The following CAPN13 variants were observed in gnomAD, a reference collection of about 807,000 sequenced individuals.
CAPN13 encodes the protein calpain 13, also known as calpain-13.
CAPN13 carries 90 observed loss-of-function variants against 98.4 expected under a neutral mutation model. That is an observed-to-expected ratio of 0.92 (90% CI 0.77 to 1.09). The LOEUF (loss-of-function observed/expected upper bound fraction) is 1.09, where lower values mean the gene tolerates loss of function less well. Among genes scored for constraint, CAPN13 ranks in the 50% least tolerant of loss-of-function variants. CAPN13 has a pLI of 0.00. For missense variants in CAPN13, 887 were observed against 841.3 expected (o/e 1.05, Z -0.67); for synonymous variants, 330 against 305.5 (o/e 1.08, Z -0.84).
intron 2 of CAPN13, among the ~76,000 whole-genome samples, chr2:30,786,463 T>C (rs1386134681): frequency 2.0e-5 from 3 of 152,114 alleles, no homozygotes; most frequent in East Asian, 1.9e-4. Flanking sequence ...AAAATTAAGA[T>C]AGTTCTAGAA....
intron 7 of CAPN13, among the ~76,000 whole-genome samples, chr2:30,759,048 TTCCTTC>T (rs1672660265): frequency 5.3e-5 from 1 of 18,998 alleles, no homozygotes; most frequent in Non-Finnish European, 9.4e-5. Flanking sequence ...CCCTCCTTCC[TTCCTTC>T]CCTCCCTCCC....
intron 8 of CAPN13, among the ~76,000 whole-genome samples, chr2:30,756,500 T>C (rs565492768): frequency 6.6e-5 from 10 of 152,306 alleles, no homozygotes; most frequent in East Asian, 1.9e-4. Context: ...ATATTTAGCA[T>C]GGGAAACACG....
Position 30,736,555 on chromosome 2 carries a change from C to A in CAPN13, c.1670G>T (p.Arg557Leu), listed in dbSNP as rs564349108. 1 of 1,613,976 alleles carries A rather than the reference C, an allele frequency of 6.2e-7. No individual in the cohort carries two copies. The stretch of plus-strand genomic sequence containing the variant: ...TCGCGCAAACTCCTCTTGGTCTAGC[C>A]GCCCATTCACTTTCAGCTGGGTAAG... ...VALMELKVNG[R>L]LDQEEFARLW... The change falls in exon 18 of 23, where the codon CGG (arginine) becomes CTG (leucine). Residue 557 changes from arginine to leucine, a missense_variant. Physicochemically the swap from Arg to Leu is moderately radical, Grantham distance 102. Transcript: ENST00000295055.
chr2:30,770,269 C>A, intron 5 of CAPN13, 44 bp downstream of exon 5: 1 of 1,603,140 alleles, frequency 6.2e-7, no homozygotes, highest in Non-Finnish European at 8.5e-7. Flanking sequence ...TAGGCAGGAC[C>A]AGCACTGAAA....
Position 30,787,289 on chromosome 2 carries a change from T to C in CAPN13, c.37A>G (p.Ile13Val), listed in dbSNP as rs369605199. The change falls in exon 2 of 23, where the codon ATC becomes GTC. Residue 13 changes from isoleucine (I) to valine (V), a missense_variant. Ile to Val is a conservative substitution (Grantham distance 29, BLOSUM62 3). Coordinates refer to ENST00000295055, the MANE Select transcript of CAPN13 (RefSeq NM_144575.3). ...AAGTCCTGGTCTTTGAACTTGATGATGGAGGTCTCCACTGAAGGCTCCTGG... is the reference window on the plus strand; with the variant it reads ...AAGTCCTGGTCTTTGAACTTGATGACGGAGGTCTCCACTGAAGGCTCCTGG... Reference protein sequence around the residue: ...YYQEPSVETSIIKFKDQDFTT... With the variant: ...YYQEPSVETSVIKFKDQDFTT... The C allele has an allele frequency of 3.1e-6, 5 of 1,613,472 alleles. No individual in the cohort carries two copies. The highest frequency in any genetic ancestry group is 1.1e-5 in the South Asian group (1 of 90,768).
At chr2:30,735,461 A>G (rs1335768664) in intron 18 of CAPN13, among the ~76,000 whole-genome samples, 1 of 152,224 alleles carries the variant, frequency 6.6e-6, no homozygotes, top group African/African-American at 2.4e-5. Context: ...TGGTGAGTGC[A>G]AGGACAGACC....
chr2:30,774,352 A>C (rs988342391), intron 4 of CAPN13, among the ~76,000 whole-genome samples: 1 of 152,134 alleles, frequency 6.6e-6, no homozygotes, highest in African/African-American at 2.4e-5. Flanking sequence ...AAGACTCATG[A>C]AAATCAAAAG....
intron 4 of CAPN13, among the ~76,000 whole-genome samples, chr2:30,770,703 TCA>T (rs1673360119): frequency 6.6e-6 from 1 of 152,202 alleles, no homozygotes; most frequent in Non-Finnish European, 1.5e-5. Context: ...GGTTCTAGCT[TCA>T]CTTTGCTCCT....
At position 30,731,358 on chromosome 2, in the gene CAPN13, G is replaced by C. The variant is rs1166622015; in HGVS notation, c.1969C>G (p.Leu657Val). The change falls in exon 21 of 23, where the codon CTG (leucine) becomes GTG (valine). Residue 657 changes from leucine to valine, a missense_variant. By Grantham distance (32) the Leu-to-Val change is conservative. Coordinates refer to ENST00000295055, the MANE Select transcript of CAPN13 (RefSeq NM_144575.3). Reference protein sequence around the residue: ...NLSKDGKGLYLTEMEWMSLVM... With the variant: ...NLSKDGKGLYVTEMEWMSLVM... ...AGGTACCTCACCTCCATTTCTGTCA[G>C]GTAGAGTCCTTTTCCATCCTTAGAG... is the stretch of plus-strand genomic sequence containing the variant. 2.5e-6 allele frequency: 4 copies of C among 1,610,760 alleles called. No homozygotes were observed. Among genetic ancestry groups the C allele is most frequent in the Non-Finnish European group, 3.4e-6 (4 of 1,178,470 alleles).
intron 7 of CAPN13, among the ~76,000 whole-genome samples, chr2:30,762,870 G>C (rs1211496522): frequency 6.6e-6 from 1 of 152,220 alleles, no homozygotes; most frequent in Admixed American, 6.5e-5. Context: ...TCTCTGGTGG[G>C]TTCTCAGAAA....
chr2:30,786,989 CAACA>C, intron 2 of CAPN13, 135 bp downstream of exon 2: 1 of 678,614 alleles, frequency 1.5e-6, no homozygotes, highest in Non-Finnish European at 2.5e-6. Context: ...TGAGTAGCTA[CAACA>C]CTGTAGCAGA....
intron 15 of CAPN13, among the ~76,000 whole-genome samples, chr2:30,741,087 A>C (rs1010655784): frequency 1.3e-5 from 2 of 152,296 alleles, no homozygotes; most frequent in African/African-American, 4.8e-5. Context: ...GTGCCTCCTG[A>C]ATCAGCCCAG....
chr2:30,754,205 T>C (rs1248653434), intron 9 of CAPN13, 85 bp downstream of exon 9: 2 of 1,091,750 alleles, frequency 1.8e-6, no homozygotes, highest in Non-Finnish European at 2.5e-6. Context: ...TTTTCCACCT[T>C]CGTAAATGTT....
chr2:30,758,699 T>C (rs1400164746), intron 7 of CAPN13, among the ~76,000 whole-genome samples: 3 of 152,116 alleles, frequency 2.0e-5, no homozygotes, highest in Non-Finnish European at 4.4e-5. Flanking sequence ...CCGGAGCTGA[T>C]GAGACACCTT....
intron 15 of CAPN13, among the ~76,000 whole-genome samples, chr2:30,739,422 A>G (rs557515695): frequency 6.6e-6 from 1 of 152,132 alleles, no homozygotes; most frequent in East Asian, 1.9e-4. Context: ...GGAAGCAAAA[A>G]CAGCCCCAGA....
intron 11 of CAPN13, among the ~76,000 whole-genome samples, chr2:30,750,565 G>A (rs919850141): frequency 5.3e-5 from 8 of 152,058 alleles, no homozygotes; most frequent in African/African-American, 1.4e-4. Context: ...ACGATGACTC[G>A]ACTTTGGTCT....
chr2:30,758,178 A>G (rs1163016088), intron 7 of CAPN13, 41 bp from the exon 8 acceptor site: 1 of 1,459,712 alleles, frequency 6.9e-7, no homozygotes, highest in South Asian at 1.3e-5. Flanking sequence ...GCTCTACAGC[A>G]AAAGTCAGCA....
chr2:30,749,086 C>T (rs956006647), intron 11 of CAPN13, among the ~76,000 whole-genome samples: 4 of 152,152 alleles, frequency 2.6e-5, no homozygotes, highest in Non-Finnish European at 5.9e-5. Context: ...GCTTTAGCTT[C>T]CACACCTACA....
chr2:30,753,046 T>G lies in CAPN13; in HGVS notation c.1087+7A>C, dbSNP rs370336554. On this transcript the variant is annotated splice_region_variant and intron_variant, in intron 10 of 22. Coordinates refer to ENST00000295055, the MANE Select transcript of CAPN13 (RefSeq NM_144575.3). Reference sequence around the variant, plus strand: ...TTGGGCAGTGTGACCACCAGCGTCATGATTACCTGCAGTGTTTCCTAGAAT... The same window carrying G: ...TTGGGCAGTGTGACCACCAGCGTCAGGATTACCTGCAGTGTTTCCTAGAAT... 6.2e-7 allele frequency: 1 copy of G among 1,613,662 alleles called. No individual in the cohort carries two copies. The highest frequency in any genetic ancestry group is 1.3e-5 in the African/African-American group (1 of 74,948).
Sources: gnomAD v4.1 joint callset for allele counts (sites outside exome capture counted in the v4.1 genomes callset) on GRCh38, gnomAD v4.1.1 for gene constraint, MANE v1.5 for transcripts, NCBI Gene and HGNC (gene_info 2026-07-23, HGNC 2026-07-21) for gene names.